The following ASIC2 variants were observed in gnomAD, a reference collection of about 807,000 sequenced individuals.
The protein encoded by ASIC2 is acid sensing ion channel subunit 2.
Under a neutral mutation model 57.3 loss-of-function variants are expected in ASIC2, and 25 were observed. The ratio of observed to expected loss-of-function variants is 0.44; its 90% CI spans 0.32 to 0.61. ASIC2 has a LOEUF of 0.61. Among genes scored for constraint, ASIC2 ranks in the 20% least tolerant of loss-of-function variants. The pLI is 0.06. For missense variants in ASIC2, 641 were observed against 738.1 expected (o/e 0.87, Z 1.52); for synonymous variants, 319 against 307.5 (o/e 1.04, Z -0.39).
At chr17:33,836,083 CAT>C (rs964676567) in intron 1 of ASIC2, among the ~76,000 whole-genome samples, 4 of 146,142 alleles carry the variant, frequency 2.7e-5, no homozygotes, top group East Asian at 4.2e-4. Context: ...CACACACACA[CAT>C]ATATAATTAT....
intron 1 of ASIC2, among the ~76,000 whole-genome samples, chr17:33,892,699 A>C (rs1368288824): frequency 6.6e-6 from 1 of 152,268 alleles, no homozygotes; most frequent in African/African-American, 2.4e-5. Flanking sequence ...TTCCTGGCAC[A>C]CAGAAATCAC....
chr17:33,414,536 T>C (rs1403879687), intron 1 of ASIC2, among the ~76,000 whole-genome samples: 1 of 152,166 alleles, frequency 6.6e-6, no homozygotes, highest in Non-Finnish European at 1.5e-5. Flanking sequence ...GGGCTTTACC[T>C]GGACCTCTCT....
chr17:33,685,589 A>G (rs1473890319), intron 1 of ASIC2, among the ~76,000 whole-genome samples: 1 of 152,230 alleles, frequency 6.6e-6, no homozygotes, highest in Non-Finnish European at 1.5e-5. Flanking sequence ...CTCCTGGAAA[A>G]CAAGGAATGG....
chr17:33,592,094 C>T (rs1904844998), intron 1 of ASIC2, among the ~76,000 whole-genome samples: 1 of 152,182 alleles, frequency 6.6e-6, no homozygotes. Context: ...GCTCTGGACT[C>T]GTGCCAGGTA....
At chr17:33,612,923 C>A (rs181988470) in intron 1 of ASIC2, among the ~76,000 whole-genome samples, 92 of 152,256 alleles carry the variant, frequency 6.0e-4, no homozygotes, top group Middle Eastern at 3.4e-3. Context: ...TCTTCTGTTC[C>A]AAATTTGGAC....
intron 1 of ASIC2, among the ~76,000 whole-genome samples, chr17:33,729,891 T>C (rs991036266): frequency 6.6e-6 from 1 of 152,184 alleles, no homozygotes; most frequent in African/African-American, 2.4e-5. Flanking sequence ...AGCTGGTTCT[T>C]TTCAAAAACA....
At chr17:33,682,770 C>T (rs1395238620) in intron 1 of ASIC2, among the ~76,000 whole-genome samples, 2 of 152,152 alleles carry the variant, frequency 1.3e-5, no homozygotes, top group Non-Finnish European at 2.9e-5. Flanking sequence ...TCACAGCCAA[C>T]TTCCAGCCTC....
At chr17:33,640,224 G>C (rs911472441) in intron 1 of ASIC2, among the ~76,000 whole-genome samples, 1 of 152,086 alleles carries the variant, frequency 6.6e-6, no homozygotes, top group Non-Finnish European at 1.5e-5. Context: ...AGAGAGGAGA[G>C]AGAAAAGCTG....
At chr17:33,318,855 C>T (rs320644) in intron 1 of ASIC2, among the ~76,000 whole-genome samples, 47,796 of 152,030 alleles carry the variant, frequency 0.31, 7,896 homozygotes, top group South Asian at 0.46. Context: ...AAAGCTGTTC[C>T]TTTTCTGGAG....
chr17:33,807,051 G>A (rs980052694), intron 1 of ASIC2, among the ~76,000 whole-genome samples: 1 of 152,108 alleles, frequency 6.6e-6, no homozygotes, highest in African/African-American at 2.4e-5. Flanking sequence ...GGAGGCAGAA[G>A]GGAACCACAG....
At chr17:34,029,752 T>C (rs1431426341) in intron 1 of ASIC2, among the ~76,000 whole-genome samples, 3 of 152,164 alleles carry the variant, frequency 2.0e-5, no homozygotes, top group African/African-American at 7.2e-5. Context: ...CACCAGAAAA[T>C]TGAATCTGCT....
At chr17:33,322,345 A>G (rs72819196) in intron 1 of ASIC2, among the ~76,000 whole-genome samples, 17,357 of 152,182 alleles carry the variant, frequency 0.11, 1,036 homozygotes, top group Middle Eastern at 0.18. Flanking sequence ...AATCCAGCCG[A>G]ATGAGAGCCT....
At chr17:33,155,564 C>CTTTTTTTTTTTTT (rs558082080) in intron 1 of ASIC2, among the ~76,000 whole-genome samples, 1 of 130,820 alleles carries the variant, frequency 7.6e-6, no homozygotes, top group African/African-American at 2.9e-5. Context: ...TTCTTTCTTT[C>CTTTTTTTTTTTTT]TTTTTTTTTT....
At chr17:34,114,800 C>A (rs530638623) in intron 1 of ASIC2, among the ~76,000 whole-genome samples, 1 of 152,260 alleles carries the variant, frequency 6.6e-6, no homozygotes, top group South Asian at 2.1e-4. Flanking sequence ...CGCCTGGAGC[C>A]ACCAAAAGCT....
chr17:33,252,798 A>G (rs1908930843), intron 1 of ASIC2, among the ~76,000 whole-genome samples: 1 of 151,950 alleles, frequency 6.6e-6, no homozygotes, highest in Non-Finnish European at 1.5e-5. Flanking sequence ...CCCTCATCCA[A>G]GAACTTGGCT....
intron 1 of ASIC2, among the ~76,000 whole-genome samples, chr17:33,974,605 T>TCC (rs1905316997): frequency 6.9e-6 from 1 of 145,440 alleles, no homozygotes; most frequent in Non-Finnish European, 1.5e-5. Flanking sequence ...GGAACCTATC[T>TCC]ATCCATCCAT....
intron 1 of ASIC2, among the ~76,000 whole-genome samples, chr17:33,978,378 G>T (rs1905472787): frequency 6.6e-6 from 1 of 152,166 alleles, no homozygotes; most frequent in African/African-American, 2.4e-5. Flanking sequence ...GGCTGCTGGG[G>T]CCAGACTGCC....
chr17:33,698,490 G>A (rs1024787754), intron 1 of ASIC2, among the ~76,000 whole-genome samples: 14 of 152,104 alleles, frequency 9.2e-5, no homozygotes, highest in African/African-American at 3.4e-4. Context: ...AGATTCAAGA[G>A]GATCAGTTTC....
At chr17:33,050,803 G>A (rs934566719) in intron 3 of ASIC2, among the ~76,000 whole-genome samples, 1 of 152,120 alleles carries the variant, frequency 6.6e-6, no homozygotes, top group Non-Finnish European at 1.5e-5. Flanking sequence ...AGACTGGCAT[G>A]TGGAAACACC....
Sources: allele counts gnomAD v4.1 joint callset (sites outside exome capture counted in the v4.1 genomes callset), GRCh38; gene constraint gnomAD v4.1.1; transcripts MANE v1.5; gene names NCBI Gene and HGNC (gene_info 2026-07-23, HGNC 2026-07-21).